The following PARP8 variants were observed in gnomAD, a reference collection of about 807,000 sequenced individuals.
PARP8 encodes protein mono-ADP-ribosyltransferase PARP8.
A neutral mutation model predicts 124.1 loss-of-function variants in PARP8; 51 were observed. That is an observed-to-expected ratio of 0.41 (90% CI 0.33 to 0.52). PARP8 has a LOEUF of 0.52. PARP8 is among the 20% of genes least tolerant of loss of function. The pLI is 0.21. For missense variants in PARP8, 860 were observed against 1,018.9 expected, an observed-to-expected ratio of 0.84 and a Z score of 2.12; for synonymous variants, 391 against 361.5, an observed-to-expected ratio of 1.08 and a Z score of -0.93.
intron 9 of PARP8, among the ~76,000 whole-genome samples, chr5:50,779,578 T>C (rs552771542): frequency 5.9e-5 from 9 of 152,270 alleles, no homozygotes; most frequent in African/African-American, 1.7e-4. Context: ...AATGCAAGTG[T>C]TGGAAGAGAC....
chr5:50,708,700 T>C (rs1754414988), intron 2 of PARP8, among the ~76,000 whole-genome samples: 1 of 148,756 alleles, frequency 6.7e-6, no homozygotes, highest in African/African-American at 2.6e-5. Context: ...TGTCAACTTA[T>C]AAAAAATACC....
At chr5:50,731,022 T>C (rs1195734747) in intron 2 of PARP8, among the ~76,000 whole-genome samples, 1 of 152,228 alleles carries the variant, frequency 6.6e-6, no homozygotes, top group Non-Finnish European at 1.5e-5. Context: ...ATCAGAAGTT[T>C]CTTGCCGTAA....
chr5:50,674,939 T>G (rs1242796522), intron 2 of PARP8, among the ~76,000 whole-genome samples: 1 of 152,218 alleles, frequency 6.6e-6, no homozygotes, highest in Non-Finnish European at 1.5e-5. Flanking sequence ...TAGTGAAATT[T>G]GAGGATAGGA....
chr5:50,785,447 AGATCT>A (rs1364978754), intron 9 of PARP8, among the ~76,000 whole-genome samples: 1 of 152,156 alleles, frequency 6.6e-6, no homozygotes, highest in Admixed American at 6.6e-5. Context: ...TTTTGTAGCT[AGATCT>A]CTTTTGTTTC....
intron 2 of PARP8, among the ~76,000 whole-genome samples, chr5:50,684,116 T>G (rs1277611256): frequency 6.7e-6 from 1 of 149,644 alleles, no homozygotes; most frequent in Non-Finnish European, 1.5e-5. Flanking sequence ...CAGTTTTGAC[T>G]AACAGCCTGA....
chr5:50,782,571 A>G (rs1368824727), intron 9 of PARP8, among the ~76,000 whole-genome samples: 1 of 152,242 alleles, frequency 6.6e-6, no homozygotes, highest in Non-Finnish European at 1.5e-5. Context: ...GCAAATAAAA[A>G]AGAAAATATT....
chr5:50,723,218 A>G (rs2149506921), intron 2 of PARP8, among the ~76,000 whole-genome samples: 1 of 152,256 alleles, frequency 6.6e-6, no homozygotes, highest in Admixed American at 6.5e-5. Flanking sequence ...AATTGTGTAC[A>G]TCGAAAGTCT....
At chr5:50,686,490 T>C (rs1411659433) in intron 2 of PARP8, among the ~76,000 whole-genome samples, 3 of 152,154 alleles carry the variant, frequency 2.0e-5, no homozygotes, top group African/African-American at 7.2e-5. Context: ...GATCTACCAT[T>C]CTGGGGTCTG....
At position 50,778,603 on chromosome 5, in the gene PARP8, T is replaced by C. The variant is rs1740306760; in HGVS notation, c.623T>C (p.Ile208Thr). Residue 208 changes from isoleucine to threonine, a missense_variant, in exon 9 of 26, where the codon ATA becomes ACA. By Grantham distance (89) the Ile-to-Thr change is moderately conservative. Coordinates refer to ENST00000281631, the MANE Select transcript of PARP8 (RefSeq NM_024615.4). ...TGGGAAGTAATTCGAACAGAACCTA[T>C]AATTGTTCGACTACACTGTTCACTT... ...VAWEVIRTEP[I>T]IVRLHCSLTQ... The C allele has an allele frequency of 3.1e-6, 5 of 1,609,900 alleles. No homozygotes were observed. Among genetic ancestry groups the C allele is most frequent in the Non-Finnish European group, 4.2e-6 (5 of 1,178,688 alleles).
At chr5:50,777,551 T>C (rs1017635659) in intron 7 of PARP8, among the ~76,000 whole-genome samples, 1 of 152,084 alleles carries the variant, frequency 6.6e-6, no homozygotes, top group Non-Finnish European at 1.5e-5. Context: ...TTTTTTTTTT[T>C]AATATCAGAC....
At chr5:50,758,972 T>C (rs1256422623) in intron 3 of PARP8, among the ~76,000 whole-genome samples, 3 of 152,226 alleles carry the variant, frequency 2.0e-5, no homozygotes, top group Non-Finnish European at 4.4e-5. Flanking sequence ...AGAATGATAA[T>C]TGTGAGACTT....
At chr5:50,840,230 A>G (rs377059846) in intron 25 of PARP8, among the ~76,000 whole-genome samples, 6 of 152,066 alleles carry the variant, frequency 3.9e-5, no homozygotes, top group African/African-American at 1.2e-4. Flanking sequence ...ATTCAATTCT[A>G]TCTTAATCAC....
intron 7 of PARP8, among the ~76,000 whole-genome samples, chr5:50,774,372 C>T (rs947485697): frequency 6.6e-6 from 1 of 152,180 alleles, no homozygotes; most frequent in African/African-American, 2.4e-5. Context: ...GTTGGGTACA[C>T]CTGCAGAAAG....
chr5:50,695,089 T>C (rs1752885195), intron 2 of PARP8, among the ~76,000 whole-genome samples: 1 of 152,098 alleles, frequency 6.6e-6, no homozygotes, highest in African/African-American at 2.4e-5. Flanking sequence ...CAAATGTTCA[T>C]CTCCTTTGGC....
At chr5:50,785,247 T>G (rs1741114308) in intron 9 of PARP8, among the ~76,000 whole-genome samples, 1 of 152,162 alleles carries the variant, frequency 6.6e-6, no homozygotes, top group Non-Finnish European at 1.5e-5. Context: ...TATTAACACT[T>G]TCTAGTCATG....
chr5:50,698,056 G>A (rs1463122231), intron 2 of PARP8, among the ~76,000 whole-genome samples: 1 of 152,036 alleles, frequency 6.6e-6, no homozygotes, highest in African/African-American at 2.4e-5. Context: ...TCATACCATT[G>A]CAACTGCAGT....
intron 3 of PARP8, among the ~76,000 whole-genome samples, chr5:50,755,239 A>G (rs1283543450): frequency 2.0e-5 from 3 of 152,026 alleles, no homozygotes; most frequent in African/African-American, 7.2e-5. Flanking sequence ...GGTGTTTTAG[A>G]CATGAAGTCC....
intron 15 of PARP8, 71 bp downstream of exon 15, chr5:50,815,595 C>A: frequency 9.3e-7 from 1 of 1,071,680 alleles, no homozygotes; most frequent in Non-Finnish European, 1.3e-6. Flanking sequence ...TAGTTATCTT[C>A]ATTCTGCTAT....
intron 22 of PARP8, 42 bp from the exon 23 acceptor site, chr5:50,832,739 G>A: frequency 2.5e-6 from 4 of 1,594,006 alleles, no homozygotes; most frequent in Non-Finnish European, 3.4e-6. Context: ...AGCTGCATCA[G>A]ACAGCTTTGT....
Sources: allele counts gnomAD v4.1 joint callset (sites outside exome capture counted in the v4.1 genomes callset), GRCh38; gene constraint gnomAD v4.1.1; transcripts MANE v1.5; gene names NCBI Gene and HGNC (gene_info 2026-07-23, HGNC 2026-07-21).